COL27A1: variants seen among roughly 807,000 people sequenced by gnomAD.
COL27A1 encodes the protein collagen alpha-1(XXVII) chain.
Under a neutral mutation model 251.3 loss-of-function variants are expected in COL27A1, and 106 were observed. The observed-to-expected ratio is 0.42, with a 90% CI of 0.36 to 0.50. The LOEUF (loss-of-function observed/expected upper bound fraction) is 0.50, where lower values mean the gene tolerates loss of function less well. Among genes scored for constraint, COL27A1 ranks in the 20% least tolerant of loss-of-function variants. COL27A1 has a pLI of 0.00. For synonymous variants in COL27A1, 1,000 were observed against 986.3 expected, an observed-to-expected ratio of 1.01 and a Z score of -0.26; for missense variants, 2,325 against 2,522.8, an observed-to-expected ratio of 0.92 and a Z score of 1.68.
intron 5 of COL27A1, among the ~76,000 whole-genome samples, chr9:114,188,674 C>T (rs1828549867): frequency 6.6e-6 from 1 of 152,152 alleles, no homozygotes; most frequent in African/African-American, 2.4e-5. Flanking sequence ...TATAATATGC[C>T]TTGCACATGA....
At chr9:114,180,029 G>T (rs569251735) in intron 4 of COL27A1, among the ~76,000 whole-genome samples, 1 of 151,956 alleles carries the variant, frequency 6.6e-6, no homozygotes, top group South Asian at 2.1e-4. Context: ...TAGTAGACAT[G>T]GGGTTTCACC....
At chr9:114,247,377 A>T (rs1833213923) in intron 24 of COL27A1, among the ~76,000 whole-genome samples, 1 of 152,192 alleles carries the variant, frequency 6.6e-6, no homozygotes, top group African/African-American at 2.4e-5. Context: ...GCAAATGCTA[A>T]ATTTCAATTA....
In COL27A1 at chr9:114,235,660, C is replaced by T. The variant is rs766648603; in HGVS notation, c.2619+8C>T. The T allele has an allele frequency of 6.2e-7, 1 of 1,610,302 alleles. No individual in the cohort carries two copies. The highest frequency in any genetic ancestry group is 8.5e-7 in the Non-Finnish European group (1 of 1,176,662). ...GGATTCCAAGGAGACAAGGTAATTG[C>T]ATGAGATTTTCCCCTCCCCCTGCCC... On this transcript the variant is annotated splice_region_variant and intron_variant, in intron 17 of 60. Coordinates refer to ENST00000356083, the MANE Select transcript of COL27A1 (RefSeq NM_032888.4).
chr9:114,204,772 C>G (rs899611485), intron 7 of COL27A1, among the ~76,000 whole-genome samples: 18 of 152,168 alleles, frequency 1.2e-4, no homozygotes, highest in South Asian at 2.1e-4. Flanking sequence ...CTCGCCTTCT[C>G]TCTTGATTCA....
chr9:114,241,045 A>C (rs1438179606), intron 21 of COL27A1, among the ~76,000 whole-genome samples: 2 of 152,252 alleles, frequency 1.3e-5, no homozygotes, highest in Non-Finnish European at 2.9e-5. Context: ...CACCTCCAGA[A>C]TATTACAATG....
At chr9:114,172,698 G>T (rs376447484) in intron 3 of COL27A1, among the ~76,000 whole-genome samples, 28 of 152,282 alleles carry the variant, frequency 1.8e-4, no homozygotes, top group African/African-American at 6.3e-4. Context: ...GGAGGCCGAG[G>T]TAGGAGAATC....
At chr9:114,154,150 C>T (rs1477834210), upstream of COL27A1, among the ~76,000 whole-genome samples, 1 of 152,020 alleles carries the variant, frequency 6.6e-6, no homozygotes. The surrounding 1 kb of genome is among the most constrained non-coding windows in gnomAD (Gnocchi z 5.8). Flanking sequence ...CCCGTGGACG[C>T]AGAGCTGCCG....
intron 14 of COL27A1, 145 bp from the exon 15 acceptor site, chr9:114,230,934 G>A: frequency 1.6e-6 from 1 of 610,608 alleles, no homozygotes; most frequent in Non-Finnish European, 2.9e-6. Flanking sequence ...TCTGGATGAA[G>A]AACATTCCAG....
At chr9:114,284,848 G>A in intron 41 of COL27A1, 71 bp downstream of exon 41, 3 of 1,540,838 alleles carry the variant, frequency 1.9e-6, no homozygotes, top group South Asian at 2.2e-5. Context: ...AGGGCCAGCA[G>A]GAGAAAGCCC....
Position 114,246,079 on chromosome 9 carries a change from G to C in COL27A1, c.2979+169G>C, listed in dbSNP as rs552324691. On this transcript the variant is annotated intron_variant, in intron 24 of 60. Transcript: ENST00000356083. ...TCACGAATGTGGACGGTGACCCTCA[G>C]AACGGGGAAGTCTGTAAATGAGAAA... is the stretch of plus-strand genomic sequence containing the variant. 1.8e-5 allele frequency: 10 copies of C among 568,214 alleles called. No individual in the cohort carries two copies. The South Asian group carries it at 2.5e-4, about 14-fold the overall frequency. The allele number at this position is 568,214 out of a possible 1,614,324, so 35.2% of individuals were successfully genotyped here. A position where few individuals can be genotyped will look rare whatever the true frequency, so the allele number is the denominator to read the frequency against.
At chr9:114,308,795 C>T (rs180706308) in intron 59 of COL27A1, among the ~76,000 whole-genome samples, 67 of 152,308 alleles carry the variant, frequency 4.4e-4, no homozygotes, top group Admixed American at 1.8e-3. Context: ...CAAATCCTGC[C>T]GTGTTGTTTG....
chr9:114,226,816 T>C (rs1369834252), intron 14 of COL27A1, among the ~76,000 whole-genome samples: 1 of 152,144 alleles, frequency 6.6e-6, no homozygotes, highest in African/African-American at 2.4e-5. Flanking sequence ...ATCACAGAGG[T>C]GAGGTCCTCA....
At chr9:114,243,468 CT>C (rs749911169) in intron 22 of COL27A1, 38 bp from the exon 23 acceptor site, 4 of 1,596,570 alleles carry the variant, frequency 2.5e-6, no homozygotes, top group African/African-American at 1.3e-5. Context: ...CATGTTGCCC[CT>C]GTCCAGCTTC....
chr9:114,159,554 C>G lies in COL27A1; in HGVS notation c.63-3161C>G, dbSNP rs144296693. 5.9e-5 allele frequency among the ~76,000 whole-genome samples: 9 copies of G among 152,306 alleles called. No homozygotes were observed. The East Asian group carries it at 1.7e-3, about 29-fold the overall frequency. On this transcript the variant is annotated intron_variant, in intron 1 of 60. Coordinates refer to ENST00000356083, the MANE Select transcript of COL27A1 (RefSeq NM_032888.4). Reference sequence around the variant, plus strand: ...ACAGGAAGGCAAGGGGTAGTCTCCTCTGAGGAGGCATTCATGGAAAAAATG... The same window carrying G: ...ACAGGAAGGCAAGGGGTAGTCTCCTGTGAGGAGGCATTCATGGAAAAAATG...
At position 114,292,221 on chromosome 9, in the gene COL27A1, G is replaced by C. The variant is rs546807689; in HGVS notation, c.4584+11G>C. ...TCCAAAGGCCAGCCGGTGAGTGAGC[G>C]CCAAAGAATACACATGCCCACGCAC... On this transcript the variant is annotated intron_variant, in intron 49 of 60. Transcript: ENST00000356083. The C allele has an allele frequency of 6.2e-5, 96 of 1,545,982 alleles. No homozygotes were observed. In the Middle Eastern group the frequency reaches 9.0e-4, roughly 15 times the overall value.
intron 2 of COL27A1, 84 bp from the exon 3 acceptor site, chr9:114,167,605 T>G (rs1216905562): frequency 1.7e-6 from 2 of 1,149,868 alleles, no homozygotes; most frequent in Admixed American, 2.2e-5. Flanking sequence ...CGGTCCACAT[T>G]GCCTGTGCCC....
intron 28 of COL27A1, among the ~76,000 whole-genome samples, chr9:114,263,241 G>A (rs558596918): frequency 3.2e-4 from 48 of 152,068 alleles, no homozygotes; most frequent in Admixed American, 7.2e-4. Context: ...CCAGCCTTCC[G>A]CCACTGTGCC....
At chr9:114,193,414 A>G (rs1406752037) in intron 5 of COL27A1, among the ~76,000 whole-genome samples, 1 of 152,100 alleles carries the variant, frequency 6.6e-6, no homozygotes, top group Non-Finnish European at 1.5e-5. Context: ...AGGCACAAAG[A>G]GTGCTTGCCT....
At chr9:114,206,425 C>T (rs1027205450) in intron 10 of COL27A1, 129 bp downstream of exon 10, 2 of 902,496 alleles carry the variant, frequency 2.2e-6, no homozygotes, top group Non-Finnish European at 3.6e-6. Flanking sequence ...TGCTCCCGGA[C>T]AACAGAGGGG....
Sources: gnomAD v4.1 joint callset for allele counts (sites outside exome capture counted in the v4.1 genomes callset) on GRCh38, gnomAD v4.1.1 for gene constraint, Gnocchi (gnomAD v3.1) non-coding constraint, MANE v1.5 for transcripts, NCBI Gene and HGNC (gene_info 2026-07-23, HGNC 2026-07-21) for gene names.